Variants in STPG2 observed in about 807,000 individuals in gnomAD.
STPG2 encodes the protein sperm tail PG-rich repeat containing 2, also known as sperm-tail PG-rich repeat-containing protein 2.
A neutral mutation model predicts 54.2 loss-of-function variants in STPG2; 56 were observed. The ratio of observed to expected loss-of-function variants is 1.03; its 90% CI spans 0.83 to 1.29. The LOEUF is 1.29. Ranked by LOEUF, STPG2 falls within the 50% of genes most tolerant of loss-of-function variation. The pLI is 0.00. For missense variants in STPG2, 596 were observed against 544.9 expected (o/e 1.09, Z -0.93); for synonymous variants, 200 against 181.8 (o/e 1.10, Z -0.81).
At chr4:98,111,400 T>G (rs1739344510) in intron 3 of STPG2, among the ~76,000 whole-genome samples, 1 of 152,152 alleles carries the variant, frequency 6.6e-6, no homozygotes, top group Admixed American at 6.6e-5. Flanking sequence ...TATTGGCAGA[T>G]GTAGTTGAAA....
rs548364641 is a variant in STPG2 at position 97,638,491 on chromosome 4, A to G, written c.1320+74208T>C. 5.9e-5 allele frequency among the ~76,000 whole-genome samples: 9 copies of G among 152,282 alleles called. No individual in the cohort carries two copies. In the South Asian group the frequency reaches 1.4e-3, roughly 25 times the overall value. ...ATGGCAACAAAAGACAAAATTGACA[A>G]ATGGGATCTCATTAAACTAAAGAGC... On this transcript the variant is annotated intron_variant, in intron 10 of 10. Transcript: ENST00000295268.
intron 10 of STPG2, among the ~76,000 whole-genome samples, chr4:97,605,153 G>A (rs1279735512): frequency 1.3e-5 from 2 of 150,800 alleles, no homozygotes; most frequent in African/African-American, 4.9e-5. Context: ...TTGATAAAAA[G>A]AAACGACATT....
rs140500522 is a variant in STPG2, at chr4:97,870,919, A to G, written c.1045-29987T>C. Reference sequence around the variant, plus strand: ...AAAAATCATACATTTTATGTCACAAAGAATGTGCCTACAGTAAGGTACATA... The same window carrying G: ...AAAAATCATACATTTTATGTCACAAGGAATGTGCCTACAGTAAGGTACATA... On this transcript the variant is annotated intron_variant, in intron 8 of 10. Coordinates refer to ENST00000295268, the MANE Select transcript of STPG2 (RefSeq NM_174952.3). Among the ~76,000 whole-genome samples the G allele has an allele frequency of 6.4e-3, 963 of 151,402 alleles. 9 individuals carry two copies. The highest frequency in any genetic ancestry group is 0.022 in the African/African-American group (903 of 41,472).
At chr4:97,462,029 T>A (rs1172005405) in intron 4 of STPG2, among the ~76,000 whole-genome samples, 1 of 152,242 alleles carries the variant, frequency 6.6e-6, no homozygotes, top group Non-Finnish European at 1.5e-5. Flanking sequence ...TAACTTAACC[T>A]CATGAAGATA....
chr4:97,466,263 CCTTT>C (rs1251314723), intron 4 of STPG2, among the ~76,000 whole-genome samples: 1 of 151,942 alleles, frequency 6.6e-6, no homozygotes, highest in East Asian at 1.9e-4. Flanking sequence ...GTTTATACAG[CCTTT>C]CTGAGTGTGT....
chr4:98,056,204 C>G (rs991445804), intron 5 of STPG2, among the ~76,000 whole-genome samples: 1 of 152,158 alleles, frequency 6.6e-6, no homozygotes, highest in African/African-American at 2.4e-5. Context: ...AGTGCTAACA[C>G]TGCACAGAGA....
At chr4:97,611,573 T>C (rs1433061143) in intron 10 of STPG2, among the ~76,000 whole-genome samples, 3 of 152,028 alleles carry the variant, frequency 2.0e-5, no homozygotes, top group Admixed American at 2.0e-4. Context: ...TTAGGAAAGC[T>C]AAATATGCAA....
intron 4 of STPG2, among the ~76,000 whole-genome samples, chr4:97,445,823 A>G (rs925867865): frequency 6.6e-6 from 1 of 152,208 alleles, no homozygotes; most frequent in African/African-American, 2.4e-5. Flanking sequence ...TTTAGAATCT[A>G]GTTCCCTAGG....
At chr4:98,076,191 C>A (rs1442860277) in intron 5 of STPG2, among the ~76,000 whole-genome samples, 3 of 151,760 alleles carry the variant, frequency 2.0e-5, no homozygotes, top group African/African-American at 7.3e-5. Context: ...TTGCAATGAG[C>A]CAAGATCATG....
intron 8 of STPG2, among the ~76,000 whole-genome samples, chr4:97,875,878 T>C (rs1578646311): frequency 6.6e-6 from 1 of 152,028 alleles, no homozygotes; most frequent in Admixed American, 6.6e-5. Flanking sequence ...CAACAAAATG[T>C]TATTAAAGTG....
At chr4:97,667,542 A>G (rs1476536740) in intron 10 of STPG2, among the ~76,000 whole-genome samples, 1 of 152,146 alleles carries the variant, frequency 6.6e-6, no homozygotes, top group African/African-American at 2.4e-5. Flanking sequence ...CAAATTTTGT[A>G]TTTTTACCTG....
chr4:98,099,730 C>T (rs566871489), intron 5 of STPG2, among the ~76,000 whole-genome samples: 7 of 152,048 alleles, frequency 4.6e-5, no homozygotes, highest in African/African-American at 1.7e-4. Context: ...ATCTCATGTA[C>T]CCCATAAAAA....
intron 9 of STPG2, among the ~76,000 whole-genome samples, chr4:97,829,478 C>A (rs1344960953): frequency 1.3e-5 from 2 of 152,058 alleles, no homozygotes; most frequent in East Asian, 3.9e-4. Flanking sequence ...TCCAAAGGAT[C>A]ACAACTCCTC....
chr4:98,080,778 C>G (rs1024773382), intron 5 of STPG2, among the ~76,000 whole-genome samples: 1 of 152,180 alleles, frequency 6.6e-6, no homozygotes, highest in Non-Finnish European at 1.5e-5. Flanking sequence ...ACCAGCAGTG[C>G]TTTAAAATGG....
At chr4:97,652,244 A>C (rs991749499) in intron 10 of STPG2, among the ~76,000 whole-genome samples, 1 of 151,952 alleles carries the variant, frequency 6.6e-6, no homozygotes, top group Non-Finnish European at 1.5e-5. Context: ...AAGTGCTAGC[A>C]TGTCCTCTAA....
chr4:97,849,603 G>T (rs1729085161), intron 8 of STPG2, among the ~76,000 whole-genome samples: 1 of 152,102 alleles, frequency 6.6e-6, no homozygotes, highest in Admixed American at 6.6e-5. Flanking sequence ...ATCAAAAAGT[G>T]GGCAAAGGAC....
intron 9 of STPG2, among the ~76,000 whole-genome samples, chr4:97,816,561 AGT>A (rs1254334436): frequency 1.3e-5 from 2 of 152,072 alleles, no homozygotes; most frequent in African/African-American, 4.8e-5. Flanking sequence ...TGTCTGTGAG[AGT>A]GTTTCTGAAG....
At chr4:97,819,687 T>C (rs1304265564) in intron 9 of STPG2, among the ~76,000 whole-genome samples, 4 of 152,188 alleles carry the variant, frequency 2.6e-5, no homozygotes, top group African/African-American at 9.6e-5. Flanking sequence ...CTAAAAATAA[T>C]TTAATATTTT....
intron 9 of STPG2, among the ~76,000 whole-genome samples, chr4:97,833,730 T>G (rs1208710465): frequency 6.6e-6 from 1 of 152,158 alleles, no homozygotes; most frequent in Non-Finnish European, 1.5e-5. Flanking sequence ...AAGACATTTA[T>G]GCAGCCAACA....
Sources: allele counts gnomAD v4.1 joint callset (sites outside exome capture counted in the v4.1 genomes callset), GRCh38; gene constraint gnomAD v4.1.1; transcripts MANE v1.5; gene names NCBI Gene and HGNC (gene_info 2026-07-23, HGNC 2026-07-21).